ZNF804B: variants seen among roughly 807,000 people sequenced by gnomAD.
The protein encoded by ZNF804B is zinc finger protein 804B.
ZNF804B carries 80 observed loss-of-function variants against 101.4 expected under a neutral mutation model. The observed-to-expected ratio is 0.79, with a 90% CI of 0.66 to 0.95. ZNF804B has a LOEUF of 0.95. ZNF804B is among the 40% of genes least tolerant of loss of function. The pLI is 0.00. For synonymous variants in ZNF804B, 622 were observed against 558.8 expected, an observed-to-expected ratio of 1.11 and a Z score of -1.59; for missense variants, 1,673 against 1,561.9, an observed-to-expected ratio of 1.07 and a Z score of -1.20.
chr7:89,024,313 C>G (rs1264467720), intron 1 of ZNF804B, among the ~76,000 whole-genome samples: 1 of 152,104 alleles, frequency 6.6e-6, no homozygotes, highest in Non-Finnish European at 1.5e-5. Context: ...CATTGCTTAA[C>G]TCATGTCAAC....
At chr7:89,099,028 TTATATATATTATATATTA>T (rs1341238387) in intron 1 of ZNF804B, among the ~76,000 whole-genome samples, 2 of 147,840 alleles carry the variant, frequency 1.4e-5, no homozygotes, top group African/African-American at 2.4e-5. Context: ...AATATTTATA[TTATATATATTATATATTA>T]TATATATATT....
At chr7:89,252,776 A>G (rs1301539447) in intron 2 of ZNF804B, among the ~76,000 whole-genome samples, 1 of 152,214 alleles carries the variant, frequency 6.6e-6, no homozygotes, top group Non-Finnish European at 1.5e-5. Flanking sequence ...ACGAATTAGC[A>G]CAGAAGCAGA....
intron 1 of ZNF804B, among the ~76,000 whole-genome samples, chr7:89,125,947 G>T (rs2057673): frequency 0.22 from 33,522 of 151,948 alleles, 3,673 homozygotes; most frequent in Middle Eastern, 0.26. Context: ...ACACTATGAT[G>T]GCAAGCACAT....
At chr7:89,272,581 A>G (rs1464762084) in intron 2 of ZNF804B, among the ~76,000 whole-genome samples, 1 of 152,098 alleles carries the variant, frequency 6.6e-6, no homozygotes, top group Non-Finnish European at 1.5e-5. Flanking sequence ...TTCTCAAAAT[A>G]TGACTTTCAG....
intron 1 of ZNF804B, among the ~76,000 whole-genome samples, chr7:88,867,622 A>T (rs1278331414): frequency 1.3e-5 from 2 of 152,202 alleles, no homozygotes; most frequent in Non-Finnish European, 2.9e-5. Context: ...ATGTTGTACC[A>T]GTTTTCTTGG....
At chr7:89,325,917 G>A (rs1790888624) in intron 2 of ZNF804B, among the ~76,000 whole-genome samples, 1 of 151,820 alleles carries the variant, frequency 6.6e-6, no homozygotes, top group Non-Finnish European at 1.5e-5. Flanking sequence ...TGTAAGACAA[G>A]GCTTCACTCT....
chr7:89,327,231 C>A, intron 2 of ZNF804B, 113 bp from the exon 3 acceptor site: 1 of 969,100 alleles, frequency 1.0e-6, no homozygotes, highest in Non-Finnish European at 1.4e-6. Flanking sequence ...TTTACTCTTT[C>A]TGCCCAGAAA....
chr7:89,290,720 A>C (rs147363647), intron 2 of ZNF804B, among the ~76,000 whole-genome samples: 1 of 152,274 alleles, frequency 6.6e-6, no homozygotes, highest in Non-Finnish European at 1.5e-5. Flanking sequence ...ACAACAGAAC[A>C]CTAGATAATT....
intron 1 of ZNF804B, among the ~76,000 whole-genome samples, chr7:88,939,047 A>G (rs1793017080): frequency 1.3e-5 from 2 of 152,082 alleles, no homozygotes; most frequent in Non-Finnish European, 2.9e-5. Context: ...AGTAGACAAT[A>G]GTAAAGTAGA....
intron 1 of ZNF804B, among the ~76,000 whole-genome samples, chr7:89,129,706 G>A (rs900973428): frequency 1.3e-5 from 2 of 152,020 alleles, no homozygotes; most frequent in East Asian, 3.9e-4. Flanking sequence ...AAATTAGAAT[G>A]TTAGGCATAG....
chr7:89,228,836 G>T (rs935497905), intron 2 of ZNF804B, among the ~76,000 whole-genome samples: 4 of 152,160 alleles, frequency 2.6e-5, no homozygotes, highest in African/African-American at 9.6e-5. Flanking sequence ...CGTTGGGGAG[G>T]CTCCGGCGGC....
chr7:89,291,681 GAA>G lies in ZNF804B; in HGVS notation c.250-35661_250-35660del, dbSNP rs1190669339. 6.6e-5 allele frequency among the ~76,000 whole-genome samples: 10 copies of G among 152,190 alleles called. No individual in the cohort carries two copies. In the South Asian group the frequency reaches 2.1e-3, roughly 32 times the overall value. ...TCTAAAAGTGATTGGACTTAAAGAG[GAA>G]AGAGAGAGAGGGATTAGGGTAGAAA... On this transcript the variant is annotated intron_variant, in intron 2 of 3. Transcript: ENST00000333190.
chr7:88,789,478 A>G (rs182896488), intron 1 of ZNF804B, among the ~76,000 whole-genome samples: 12 of 152,178 alleles, frequency 7.9e-5, no homozygotes, highest in African/African-American at 2.9e-4. Context: ...CATTGGCAAA[A>G]CACCTTAATG....
intron 2 of ZNF804B, among the ~76,000 whole-genome samples, chr7:89,314,599 C>T (rs1170165545): frequency 5.9e-5 from 9 of 152,224 alleles, no homozygotes; most frequent in Non-Finnish European, 8.8e-5. Context: ...GCTATGCAAA[C>T]GATTTACTTT....
intron 1 of ZNF804B, among the ~76,000 whole-genome samples, chr7:89,115,295 A>G (rs1288707201): frequency 1.3e-5 from 2 of 152,220 alleles, no homozygotes; most frequent in Non-Finnish European, 2.9e-5. Flanking sequence ...CAGAAGACCT[A>G]ATTTTTAATG....
intron 1 of ZNF804B, among the ~76,000 whole-genome samples, chr7:89,194,526 T>A (rs62463581): frequency 6.8e-6 from 1 of 146,636 alleles, no homozygotes; most frequent in Non-Finnish European, 1.5e-5. Context: ...CAGCTTTCTA[T>A]ATATGGCTAG....
chr7:89,165,429 G>A lies in ZNF804B; in HGVS notation c.109-52726G>A, dbSNP rs1347386457. Among the ~76,000 whole-genome samples the A allele has an allele frequency of 2.6e-5, 4 of 151,612 alleles. No individual in the cohort carries two copies. In the East Asian group the frequency reaches 5.8e-4, roughly 22 times the overall value. On this transcript the variant is annotated intron_variant, in intron 1 of 3. Coordinates refer to ENST00000333190, the MANE Select transcript of ZNF804B (RefSeq NM_181646.5). ...TGATAAAATTGTATTTCACAAAAAAGAAAAACATAAGAAAATTGCAAAGCA... is the reference window on the plus strand; with the variant it reads ...TGATAAAATTGTATTTCACAAAAAAAAAAAACATAAGAAAATTGCAAAGCA...
chr7:89,002,639 A>G (rs1788306624), intron 1 of ZNF804B, among the ~76,000 whole-genome samples: 2 of 151,840 alleles, frequency 1.3e-5, no homozygotes, highest in Admixed American at 6.6e-5. Flanking sequence ...CATGTTATTT[A>G]CCTCTAATTG....
At chr7:89,098,527 C>T (rs549636761) in intron 1 of ZNF804B, among the ~76,000 whole-genome samples, 84 of 152,268 alleles carry the variant, frequency 5.5e-4, no homozygotes, top group African/African-American at 1.8e-3. Flanking sequence ...CCACTTCAGC[C>T]TCCCAAAGTG....
Sources: gnomAD v4.1 joint callset for allele counts (sites outside exome capture counted in the v4.1 genomes callset) on GRCh38, gnomAD v4.1.1 for gene constraint, MANE v1.5 for transcripts, NCBI Gene and HGNC (gene_info 2026-07-23, HGNC 2026-07-21) for gene names.